TDRD1: variants seen among roughly 807,000 people sequenced by gnomAD.
TDRD1 encodes tudor domain containing 1, also known as tudor domain-containing protein 1.
A neutral mutation model predicts 140.6 loss-of-function variants in TDRD1; 37 were observed. The ratio of observed to expected loss-of-function variants is 0.26; its 90% CI spans 0.20 to 0.35. TDRD1 has a LOEUF of 0.35. TDRD1 is among the 10% of genes least tolerant of loss of function. The pLI, the probability that TDRD1 is intolerant of heterozygous loss-of-function variation, is 1.00. For synonymous variants in TDRD1, 506 were observed against 475.7 expected (o/e 1.06, Z -0.83); for missense variants, 1,243 against 1,393.0 (o/e 0.89, Z 1.71).
Position 114,213,393 on chromosome 10 carries a change from A to T in TDRD1, c.1879A>T (p.Met627Leu), listed in dbSNP as rs766131776. ...TTGGACTCCAGAAGCTATTTGTCTC[A>T]TGAAAAAACTTGTACAGAACAAAAT... The change falls in exon 15 of 26, where the codon ATG becomes TTG. Residue 627 changes from methionine to leucine, a missense_variant. This residue lies in a region of TDRD1 where 601 missense variants were observed against 734.7 expected (regional missense o/e 0.82). Coordinates refer to ENST00000251864, the Ensembl canonical transcript of TDRD1. 4 of 1,613,070 alleles carry T rather than the reference A, an allele frequency of 2.5e-6. No homozygotes were observed. The highest frequency in any genetic ancestry group is 3.4e-6 in the Non-Finnish European group (4 of 1,179,142).
chr10:114,209,655 A>G (rs2035355864), intron 11 of TDRD1, among the ~76,000 whole-genome samples: 1 of 152,240 alleles, frequency 6.6e-6, no homozygotes, highest in South Asian at 2.1e-4. Context: ...AATCGATTGT[A>G]ACACATTCTG....
At chr10:114,229,916 C>T (rs538130558) in intron 25 of TDRD1, among the ~76,000 whole-genome samples, 9 of 151,828 alleles carry the variant, frequency 5.9e-5, no homozygotes, top group South Asian at 2.1e-4. Flanking sequence ...CTACAACCTC[C>T]GCCTCCCGGG....
chr10:114,211,906 T>A, exon 14 of TDRD1: 1 of 1,596,392 alleles, frequency 6.3e-7, no homozygotes, highest in Non-Finnish European at 8.5e-7. Context: ...TGGCTTACGC[T>A]TCTGAAGAAT....
At chr10:114,193,289 CT>C (rs1170053036) in intron 3 of TDRD1, among the ~76,000 whole-genome samples, 3,437 of 83,732 alleles carry the variant, frequency 0.041, 17 homozygotes, top group Middle Eastern at 0.065. Flanking sequence ...TTGCTGAAGT[CT>C]TTTTTTTTTT....
chr10:114,198,322 G>A (rs1395083035), intron 3 of TDRD1, among the ~76,000 whole-genome samples: 1 of 152,192 alleles, frequency 6.6e-6, no homozygotes, highest in Non-Finnish European at 1.5e-5. Flanking sequence ...GGTCGGGGTG[G>A]TGGCACCTCA....
chr10:114,187,987 T>C, exon 2 of TDRD1: 1 of 1,614,176 alleles, frequency 6.2e-7, no homozygotes, highest in Non-Finnish European at 8.5e-7. Context: ...ACCACCCTAA[T>C]TTCAGGCTGA....
chr10:114,228,139 A>T, intron 25 of TDRD1: 1 of 1,568,028 alleles, frequency 6.4e-7, no homozygotes, highest in Non-Finnish European at 8.6e-7. Context: ...AAGTAAGTTA[A>T]ATCGTATGTT....
intron 9 of TDRD1, 138 bp downstream of exon 9, chr10:114,204,354 A>C (rs2034965049): frequency 1.1e-6 from 1 of 947,560 alleles, no homozygotes; most frequent in Non-Finnish European, 1.5e-6. Context: ...CTCATGGGCT[A>C]TCTTGACCTT....
rs189878977 is a variant in TDRD1, at chr10:114,193,411, G to A, written c.384+2392G>A. Among the ~76,000 whole-genome samples the A allele has an allele frequency of 6.0e-5, 9 of 149,446 alleles. No homozygotes were observed. The East Asian group carries it at 1.6e-3, about 27-fold the overall frequency. Reference sequence around the variant, plus strand: ...TGGTTCAAGCGATTCTCCTGCCTCAGCCTCCCAAGTAGCTGTGACTACAGT... The same window carrying A: ...TGGTTCAAGCGATTCTCCTGCCTCAACCTCCCAAGTAGCTGTGACTACAGT... On this transcript the variant is annotated intron_variant, in intron 3 of 25. Transcript: ENST00000251864.
chr10:114,197,465 C>T (rs2034444704), intron 3 of TDRD1, among the ~76,000 whole-genome samples: 1 of 151,890 alleles, frequency 6.6e-6, no homozygotes, highest in South Asian at 2.1e-4. Flanking sequence ...TGTTTCAAGC[C>T]TATTCATAAT....
At chr10:114,204,207 T>C (rs746726481) in exon 9 of TDRD1, 3 of 1,588,466 alleles carry the variant, frequency 1.9e-6, no homozygotes, top group South Asian at 1.2e-5. Flanking sequence ...TTGACTTGTT[T>C]CCTCCTTGTG....
intron 20 of TDRD1, among the ~76,000 whole-genome samples, chr10:114,221,967 T>C (rs917302548): frequency 3.9e-5 from 6 of 152,252 alleles, no homozygotes; most frequent in South Asian, 2.1e-4. Context: ...TAAATGTATA[T>C]GACTTTATCC....
At chr10:114,205,817 G>A (rs891706599) in intron 10 of TDRD1, among the ~76,000 whole-genome samples, 1 of 152,064 alleles carries the variant, frequency 6.6e-6, no homozygotes, top group African/African-American at 2.4e-5. Context: ...AGCACAATAG[G>A]GTGACTGTAG....
Position 114,190,588 on chromosome 10 carries a change from A to G in TDRD1, c.326-373A>G, listed in dbSNP as rs564103512. Among the ~76,000 whole-genome samples, 96 of 152,346 alleles carry G rather than the reference A, an allele frequency of 6.3e-4. No individual in the cohort carries two copies. In the Middle Eastern group the frequency reaches 0.014, roughly 22 times the overall value. On this transcript the variant is annotated intron_variant, in intron 2 of 25. Coordinates refer to ENST00000251864, the Ensembl canonical transcript of TDRD1. ...CTGAAACCTCCGCCTCCCAGGTTCA[A>G]GTGGTTCTCCTACCTCAGCCTCCTG...
chr10:114,213,573 G>T (rs143109750), exon 15 of TDRD1: 38 of 1,613,696 alleles, frequency 2.4e-5, no homozygotes, highest in Non-Finnish European at 3.0e-5. Flanking sequence ...ACCCAGTGAC[G>T]TGAAAGAAAC....
intron 16 of TDRD1, among the ~76,000 whole-genome samples, chr10:114,216,849 G>A (rs1020229355): frequency 2.6e-5 from 4 of 152,154 alleles, no homozygotes; most frequent in African/African-American, 9.7e-5. Context: ...TTCCATTTTA[G>A]TAAATGAGCC....
upstream of TDRD1, among the ~76,000 whole-genome samples, chr10:114,178,967 G>A (rs2032799967): frequency 6.6e-6 from 1 of 152,042 alleles, no homozygotes. Context: ...AAAAGTATGA[G>A]CACGTGTGTG....
rs776696733 is a variant in TDRD1, at chr10:114,187,927, A to G, written c.96A>G (p.Glu32=). The G allele has an allele frequency of 5.6e-6, 9 of 1,613,500 alleles. No homozygotes were observed. The South Asian group carries it at 6.6e-5, about 12-fold the overall frequency. Residue 32 remains glutamate (E), a synonymous_variant, in exon 2 of 26, where the codon GAA becomes GAG. Coordinates refer to ENST00000251864, the Ensembl canonical transcript of TDRD1. ...AGCCATTTAATTTTGAGAAAAATGA[A>G]AACAAGCTTCCACCACATGAGTCTT...
intron 17 of TDRD1, 71 bp downstream of exon 17, chr10:114,217,726 A>T (rs2035901240): frequency 2.6e-6 from 2 of 771,948 alleles, no homozygotes; most frequent in Admixed American, 2.7e-5. Context: ...TTTTTAGTGC[A>T]CATTTTCTTA....
Sources: allele counts gnomAD v4.1 joint callset (sites outside exome capture counted in the v4.1 genomes callset), GRCh38; gene constraint gnomAD v4.1.1; regional missense constraint gnomAD v4.1.1; transcripts MANE v1.5; gene names NCBI Gene and HGNC (gene_info 2026-07-23, HGNC 2026-07-21).